Variants in TBC1D8 observed in about 807,000 individuals in gnomAD.
TBC1D8 encodes TBC1 domain family member 8, also known as BUB2-like protein 1.
In TBC1D8, 65 loss-of-function variants were observed where a neutral mutation model predicts 118.8. That is an observed-to-expected ratio of 0.55 (90% CI 0.45 to 0.67). The LOEUF is 0.67. TBC1D8 is among the 30% of genes least tolerant of loss of function. The pLI is 0.00. For synonymous variants in TBC1D8, 566 were observed against 595.8 expected, an observed-to-expected ratio of 0.95 and a Z score of 0.73; for missense variants, 1,376 against 1,471.2, an observed-to-expected ratio of 0.94 and a Z score of 1.06.
chr2:101,147,240 G>A (rs540218926), intron 1 of TBC1D8, among the ~76,000 whole-genome samples: 8 of 152,268 alleles, frequency 5.3e-5, no homozygotes, highest in South Asian at 2.1e-4. Context: ...GGTCGATTCC[G>A]TATCTTGGCT....
chr2:101,027,893 T>C (rs952618833), intron 14 of TBC1D8, among the ~76,000 whole-genome samples, 155 bp downstream of exon 14: 3 of 152,226 alleles, frequency 2.0e-5, no homozygotes, highest in Admixed American at 6.5e-5. Flanking sequence ...AAAGCTCACA[T>C]TGTTTCTACA....
At position 101,007,849 on chromosome 2, in the gene TBC1D8, T is replaced by G. The variant is rs750674164; in HGVS notation, c.3440A>C (p.Gln1147Pro). ...LKTFEMSHQSQSELKLSNL is the reference protein window; with the variant it reads ...LKTFEMSHQSPSELKLSNL ...CAAGTTACTCAGCTTAAGTTCAGAT[T>G]GTGATTGGTGGCTCATTTCAAAAGT... The change falls in exon 20 of 20, where the codon CAA becomes CCA. Residue 1147 changes from glutamine to proline, a missense_variant. Coordinates refer to ENST00000409318, the MANE Select transcript of TBC1D8 (RefSeq NM_001330348.2). 20 of 1,613,154 alleles carry G rather than the reference T, an allele frequency of 1.2e-5. No homozygotes were observed. The highest frequency in any genetic ancestry group is 1.6e-5 in the Non-Finnish European group (19 of 1,179,882).
At chr2:101,147,609 G>A (rs1156651769) in intron 1 of TBC1D8, among the ~76,000 whole-genome samples, 2 of 152,280 alleles carry the variant, frequency 1.3e-5, no homozygotes, top group East Asian at 3.9e-4. Flanking sequence ...GTGATGCTGG[G>A]CATGTTTGAT....
intron 2 of TBC1D8, among the ~76,000 whole-genome samples, chr2:101,067,074 T>G (rs927208100): frequency 6.6e-6 from 1 of 152,064 alleles, no homozygotes. Context: ...CCTCTGACCA[T>G]GTATTTGTAT....
At chr2:101,056,796 C>T (rs1490991200) in intron 3 of TBC1D8, among the ~76,000 whole-genome samples, 1 of 152,122 alleles carries the variant, frequency 6.6e-6, no homozygotes, top group Non-Finnish European at 1.5e-5. Context: ...ATGAGGTGGC[C>T]GTGCTGACCC....
At chr2:101,115,709 C>T (rs1677788637) in intron 1 of TBC1D8, among the ~76,000 whole-genome samples, 1 of 152,136 alleles carries the variant, frequency 6.6e-6, no homozygotes, top group African/African-American at 2.4e-5. Flanking sequence ...CGAGATTGTA[C>T]CACTGCACCC....
At chr2:101,068,915 G>A (rs13425569) in intron 2 of TBC1D8, among the ~76,000 whole-genome samples, 19,208 of 151,424 alleles carry the variant, frequency 0.13, 1,377 homozygotes, top group Non-Finnish European at 0.16. Context: ...CTCAAGAATC[G>A]CTTGAACCTG....
intron 1 of TBC1D8, among the ~76,000 whole-genome samples, chr2:101,133,399 T>C (rs1678686824): frequency 1.3e-5 from 2 of 152,116 alleles, no homozygotes; most frequent in South Asian, 4.1e-4. Flanking sequence ...CCCTCTCTCC[T>C]CTCTTTCCAT....
intron 2 of TBC1D8, among the ~76,000 whole-genome samples, chr2:101,084,659 T>C (rs1675483313): frequency 6.6e-6 from 1 of 152,144 alleles, no homozygotes; most frequent in Non-Finnish European, 1.5e-5. Flanking sequence ...GCACCTGTTA[T>C]TCATGTTGCT....
chr2:101,083,041 C>T (rs1231029607), intron 2 of TBC1D8, among the ~76,000 whole-genome samples: 1 of 152,118 alleles, frequency 6.6e-6, no homozygotes, highest in African/African-American at 2.4e-5. Context: ...AGGTCCATGC[C>T]TTGCCTGGAA....
At chr2:101,074,636 A>G (rs963264254) in intron 2 of TBC1D8, among the ~76,000 whole-genome samples, 2 of 152,258 alleles carry the variant, frequency 1.3e-5, no homozygotes, top group East Asian at 3.8e-4. Context: ...TATTCTTAAC[A>G]GCAATATTGA....
intron 1 of TBC1D8, among the ~76,000 whole-genome samples, chr2:101,130,513 A>C (rs2104255183): frequency 6.6e-6 from 1 of 152,370 alleles, no homozygotes. Flanking sequence ...GCAGGAACCT[A>C]AAAGACAGGG....
At chr2:101,023,011 G>A (rs767192999) in intron 15 of TBC1D8, among the ~76,000 whole-genome samples, 23 of 151,768 alleles carry the variant, frequency 1.5e-4, no homozygotes, top group Admixed American at 6.6e-5. Flanking sequence ...TGGGTGTAGC[G>A]GTGTGCACCT....
intron 1 of TBC1D8, among the ~76,000 whole-genome samples, chr2:101,143,373 T>C (rs1052189433): frequency 6.6e-6 from 1 of 152,160 alleles, no homozygotes; most frequent in Non-Finnish European, 1.5e-5. Context: ...CTTTCCTTTT[T>C]TTTAAAGTAA....
At chr2:101,099,834 A>G (rs1192512919) in intron 1 of TBC1D8, among the ~76,000 whole-genome samples, 2 of 152,238 alleles carry the variant, frequency 1.3e-5, no homozygotes, top group Non-Finnish European at 2.9e-5. Flanking sequence ...AAAACTCTCA[A>G]TAAACTAGGT....
At chr2:101,096,821 C>G (rs62155200) in intron 1 of TBC1D8, among the ~76,000 whole-genome samples, 22,446 of 124,020 alleles carry the variant, frequency 0.18, 1,830 homozygotes, top group Middle Eastern at 0.28. Flanking sequence ...GAGAGAGAGA[C>G]AGCACAAGGA....
intron 2 of TBC1D8, among the ~76,000 whole-genome samples, chr2:101,061,650 C>T (rs975723705): frequency 1.1e-4 from 16 of 152,146 alleles, no homozygotes; most frequent in Non-Finnish European, 7.3e-5. Flanking sequence ...GTCAATGACC[C>T]TGCCCTGCTG....
intron 2 of TBC1D8, among the ~76,000 whole-genome samples, chr2:101,082,757 T>C (rs1190834577): frequency 6.6e-6 from 1 of 152,022 alleles, no homozygotes; most frequent in Non-Finnish European, 1.5e-5. Flanking sequence ...CCCATCTGGG[T>C]TGCCTGGGAC....
chr2:101,063,342 T>C (rs1233392482), intron 2 of TBC1D8, among the ~76,000 whole-genome samples: 1 of 152,166 alleles, frequency 6.6e-6, no homozygotes, highest in Non-Finnish European at 1.5e-5. Context: ...AAGATAATTC[T>C]AAAACAAAAA....
Sources: allele counts gnomAD v4.1 joint callset (sites outside exome capture counted in the v4.1 genomes callset), GRCh38; gene constraint gnomAD v4.1.1; transcripts MANE v1.5; gene names NCBI Gene and HGNC (gene_info 2026-07-23, HGNC 2026-07-21).